The following BNC2 variants were observed in gnomAD, a reference collection of about 807,000 sequenced individuals.
The protein encoded by BNC2 is basonuclin zinc finger protein 2.
A neutral mutation model predicts 76.3 loss-of-function variants in BNC2; 20 were observed. The observed-to-expected ratio is 0.26, with a 90% CI of 0.18 to 0.38. The LOEUF (loss-of-function observed/expected upper bound fraction) is 0.38. Among genes scored for constraint, BNC2 ranks in the 10% least tolerant of loss-of-function variants. The pLI is 1.00. For synonymous variants in BNC2, 582 were observed against 514.8 expected (o/e 1.13, Z -1.77); for missense variants, 1,382 against 1,399.8 (o/e 0.99, Z 0.20).
chr9:16,597,404 AT>A (rs1056702858), intron 3 of BNC2, among the ~76,000 whole-genome samples: 2 of 152,170 alleles, frequency 1.3e-5, no homozygotes, highest in African/African-American at 4.8e-5. Context: ...GTACAGTGAA[AT>A]TTTAATACAT....
At chr9:16,685,518 A>T in intron 3 of BNC2, 2 of 1,276,342 alleles carry the variant, frequency 1.6e-6, no homozygotes, top group South Asian at 2.5e-5. Context: ...CACCACCCCT[A>T]GCTGAGAAAA....
chr9:16,526,225 T>A (rs1817795221), intron 5 of BNC2, among the ~76,000 whole-genome samples: 1 of 152,094 alleles, frequency 6.6e-6, no homozygotes, highest in Admixed American at 6.6e-5. Flanking sequence ...ATATGTGGCA[T>A]ATGCGTACAT....
intron 3 of BNC2, among the ~76,000 whole-genome samples, chr9:16,626,590 G>T (rs1470632820): frequency 1.3e-5 from 2 of 152,068 alleles, no homozygotes; most frequent in Non-Finnish European, 2.9e-5. Context: ...TTTAGTATTG[G>T]ATTCAGAAGC....
chr9:16,467,368 G>A (rs200113734), intron 5 of BNC2, among the ~76,000 whole-genome samples: 2 of 146,684 alleles, frequency 1.4e-5, no homozygotes, highest in Admixed American at 6.8e-5. Context: ...TGCTGCTATA[G>A]AGACACAGGC....
chr9:16,755,560 C>T (rs894399292), intron 1 of BNC2, among the ~76,000 whole-genome samples: 4 of 152,110 alleles, frequency 2.6e-5, no homozygotes. Context: ...CCCCATCCCA[C>T]CGTTCCATGT....
chr9:16,439,622 C>T (rs1292301236), intron 5 of BNC2, among the ~76,000 whole-genome samples: 1 of 152,204 alleles, frequency 6.6e-6, no homozygotes, highest in African/African-American at 2.4e-5. Context: ...AGTCTCTCCT[C>T]AACCTGTGGA....
chr9:16,454,889 G>C (rs1453478658), intron 5 of BNC2, among the ~76,000 whole-genome samples: 1 of 152,074 alleles, frequency 6.6e-6, no homozygotes, highest in Non-Finnish European at 1.5e-5. Flanking sequence ...TAAGACCTTG[G>C]TTGAGCCTAT....
chr9:16,724,910 CTAAA>C (rs1824265663), intron 3 of BNC2, among the ~76,000 whole-genome samples: 1 of 151,828 alleles, frequency 6.6e-6, no homozygotes. Context: ...TTTCAAACGT[CTAAA>C]TAAATAATCA....
intron 5 of BNC2, among the ~76,000 whole-genome samples, chr9:16,447,406 A>G (rs1157519198): frequency 6.6e-6 from 1 of 152,140 alleles, no homozygotes; most frequent in Non-Finnish European, 1.5e-5. Flanking sequence ...TTATTCTACT[A>G]TTTATGCCTA....
intron 5 of BNC2, among the ~76,000 whole-genome samples, chr9:16,502,085 G>A (rs916858602): frequency 1.5e-4 from 23 of 152,254 alleles, no homozygotes; most frequent in African/African-American, 5.3e-4. Flanking sequence ...GAAGGAGTGG[G>A]GGTCTAGTGG....
intron 3 of BNC2, among the ~76,000 whole-genome samples, chr9:16,603,535 C>T (rs187694451): frequency 1.9e-4 from 29 of 152,178 alleles, no homozygotes; most frequent in African/African-American, 2.6e-4. Flanking sequence ...AATTTTGAGA[C>T]GCTAAACATA....
chr9:16,718,707 A>G (rs1448278341), intron 3 of BNC2, among the ~76,000 whole-genome samples: 1 of 152,234 alleles, frequency 6.6e-6, no homozygotes, highest in Admixed American at 6.5e-5. Context: ...AAGGCTATAT[A>G]GATAGCATAG....
In BNC2 at chr9:16,417,119, CTT is replaced by C. The variant is rs915214818; in HGVS notation, c.*1868_*1869del. 12 of 151,730 alleles carry C rather than the reference CTT, an allele frequency of 7.9e-5. No homozygotes were observed. The highest frequency in any genetic ancestry group is 2.6e-4 in the Admixed American group (4 of 15,196). The allele number at this position is 151,730 out of a possible 1,614,324, so 9.4% of individuals were successfully genotyped here. On this transcript the variant is annotated 3_prime_UTR_variant, in exon 7 of 7. Transcript: ENST00000380672. Reference sequence around the variant, plus strand: ...TTGACAAAATATTCCTTGTTTATCTCTTCTTTTCCCCTCCACTTAAAAAAAAA... The same window carrying C: ...TTGACAAAATATTCCTTGTTTATCTCCTTTTCCCCTCCACTTAAAAAAAAA...
intron 4 of BNC2, among the ~76,000 whole-genome samples, chr9:16,554,170 G>A (rs972501172): frequency 6.6e-6 from 1 of 152,148 alleles, no homozygotes; most frequent in Non-Finnish European, 1.5e-5. Flanking sequence ...AATGGTACGG[G>A]CTACACTACA....
chr9:16,795,225 A>G (rs1384290833), intron 1 of BNC2, among the ~76,000 whole-genome samples: 1 of 152,086 alleles, frequency 6.6e-6, no homozygotes, highest in African/African-American at 2.4e-5. Flanking sequence ...GTAGGCGGAA[A>G]AGAATAAGCA....
intron 3 of BNC2, among the ~76,000 whole-genome samples, chr9:16,592,226 T>C (rs978236483): frequency 3.3e-5 from 5 of 152,146 alleles, no homozygotes; most frequent in Admixed American, 2.0e-4. Context: ...AAAGTTGACC[T>C]TTGAACATCA....
In BNC2 at chr9:16,816,191, T is replaced by C. The variant is rs1242336983; in HGVS notation, c.3+54455A>G. Among the ~76,000 whole-genome samples, 5 of 152,272 alleles carry C rather than the reference T, an allele frequency of 3.3e-5. No individual in the cohort carries two copies. The South Asian group carries it at 6.2e-4, about 19-fold the overall frequency. ...GCCTAATCACTAGCTTGAGACATTG[T>C]TCTGGCCAAGTAAAGCAGAACACAT... On this transcript the variant is annotated intron_variant, in intron 1 of 6. Transcript: ENST00000380672.
intron 5 of BNC2, among the ~76,000 whole-genome samples, chr9:16,465,805 A>ACC (rs1563796771): frequency 2.0e-5 from 3 of 152,182 alleles, no homozygotes; most frequent in Non-Finnish European, 4.4e-5. Flanking sequence ...ATGCAATTAA[A>ACC]ATGCCTTCTT....
At chr9:16,733,568 T>A (rs1824575883) in intron 2 of BNC2, among the ~76,000 whole-genome samples, 1 of 151,594 alleles carries the variant, frequency 6.6e-6, no homozygotes, top group Non-Finnish European at 1.5e-5. Context: ...AAAAGAAAAC[T>A]ACACACACAA....
Sources: allele counts gnomAD v4.1 joint callset (sites outside exome capture counted in the v4.1 genomes callset), GRCh38; gene constraint gnomAD v4.1.1; transcripts MANE v1.5; gene names NCBI Gene and HGNC (gene_info 2026-07-23, HGNC 2026-07-21).